CNGB3: variants seen among roughly 807,000 people sequenced by gnomAD.
CNGB3 encodes the protein cyclic nucleotide gated channel subunit beta 3, also known as cyclic nucleotide-gated channel beta-3.
A neutral mutation model predicts 92.8 loss-of-function variants in CNGB3; 86 were observed. The observed-to-expected ratio is 0.93, with a 90% CI of 0.78 to 1.11. The LOEUF is 1.11. Among genes scored for constraint, CNGB3 ranks in the 50% least tolerant of loss-of-function variants. The pLI is 0.00. For missense variants in CNGB3, 1,026 were observed against 956.8 expected (o/e 1.07, Z -0.95); for synonymous variants, 333 against 332.7 (o/e 1.00, Z -0.01).
intron 2 of CNGB3, among the ~76,000 whole-genome samples, chr8:86,732,975 A>G (rs1825183403): frequency 6.6e-6 from 1 of 152,152 alleles, no homozygotes; most frequent in South Asian, 2.1e-4. Flanking sequence ...TGGGATGTGA[A>G]TGATCCTGTC....
At chr8:86,632,942 A>C (rs1001262032) in intron 10 of CNGB3, 49 bp from the exon 11 acceptor site, 1 of 1,521,562 alleles carries the variant, frequency 6.6e-7, no homozygotes, top group African/African-American at 1.4e-5. Flanking sequence ...TATCATCGAA[A>C]GACCACTATT....
intron 3 of CNGB3, among the ~76,000 whole-genome samples, chr8:86,681,210 G>A (rs1395602973): frequency 6.6e-6 from 1 of 152,130 alleles, no homozygotes; most frequent in African/African-American, 2.4e-5. Context: ...AGGTAGGAAA[G>A]TATATCTATT....
intron 3 of CNGB3, among the ~76,000 whole-genome samples, chr8:86,694,627 G>T (rs554058273): frequency 6.6e-6 from 1 of 151,410 alleles, no homozygotes; most frequent in African/African-American, 2.4e-5. Flanking sequence ...AGACAGGGTC[G>T]CGGCCGGGCA....
At chr8:86,655,740 T>C (rs1823493348) in intron 6 of CNGB3, among the ~76,000 whole-genome samples, 3 of 152,322 alleles carry the variant, frequency 2.0e-5, no homozygotes, top group Admixed American at 2.0e-4. Flanking sequence ...TAACACAGTG[T>C]CTAACACACA....
intron 3 of CNGB3, among the ~76,000 whole-genome samples, chr8:86,724,498 T>C (rs1825025135): frequency 6.6e-6 from 1 of 152,122 alleles, no homozygotes; most frequent in Admixed American, 6.6e-5. Flanking sequence ...ATTTATTGAA[T>C]ATTTACCATG....
chr8:86,606,140 G>T (rs1012662256), intron 14 of CNGB3, among the ~76,000 whole-genome samples: 2 of 132,810 alleles, frequency 1.5e-5, no homozygotes, highest in Non-Finnish European at 3.1e-5. Flanking sequence ...TAAAATTTTG[G>T]GGTTGGTTTT....
intron 8 of CNGB3, among the ~76,000 whole-genome samples, chr8:86,645,816 A>G (rs1019848088): frequency 5.9e-5 from 9 of 151,280 alleles, no homozygotes; most frequent in Admixed American, 5.3e-4. Context: ...ATGATTTTAA[A>G]TTTAGCTTAA....
intron 3 of CNGB3, among the ~76,000 whole-genome samples, chr8:86,683,973 A>T (rs993930142): frequency 1.3e-5 from 2 of 152,168 alleles, no homozygotes; most frequent in Admixed American, 1.3e-4. Context: ...GAAAGCAAAA[A>T]TCAATCAGAT....
intron 15 of CNGB3, among the ~76,000 whole-genome samples, chr8:86,591,867 C>G (rs978933123): frequency 3.5e-4 from 54 of 152,330 alleles, no homozygotes; most frequent in Non-Finnish European, 7.5e-4. Flanking sequence ...GTGGGCTCCA[C>G]CCAGTTCGAG....
rs1369514767 is a variant in CNGB3 at position 86,647,883 on chromosome 8, T to C, written c.908A>G (p.Asp303Gly). ...HYRTSTKFQL[D>G]VASIIPFDIC... is the part of the protein sequence containing the mutation. Reference sequence around the variant, plus strand: ...ATCAAATGGTATTATTGATGCGACATCCAACTGTTGAAAGAACACATTCAC... The same window carrying C: ...ATCAAATGGTATTATTGATGCGACACCCAACTGTTGAAAGAACACATTCAC... Residue 303 changes from aspartate to glycine, a missense_variant, in exon 8 of 18, where the codon GAT becomes GGT. Asp to Gly is a moderately conservative substitution (Grantham distance 94). Transcript: ENST00000320005. 6.3e-7 allele frequency: 1 copy of C among 1,584,840 alleles called. No individual in the cohort carries two copies. The highest frequency in any genetic ancestry group is 8.7e-7 in the Non-Finnish European group (1 of 1,154,370).
chr8:86,704,558 A>G (rs1468567174), intron 3 of CNGB3, among the ~76,000 whole-genome samples: 1 of 152,210 alleles, frequency 6.6e-6, no homozygotes, highest in Non-Finnish European at 1.5e-5. Context: ...AATGCTCTGA[A>G]GGACTTTCTG....
In CNGB3 at chr8:86,735,092, A is replaced by G. The variant is rs1269454276; in HGVS notation, c.211+4563T>C. 1.4e-4 allele frequency among the ~76,000 whole-genome samples: 12 copies of G among 85,810 alleles called. No homozygotes were observed. In the Admixed American group the frequency reaches 1.7e-3, roughly 12 times the overall value. 56.3% of individuals were successfully genotyped at this position (85,810 alleles called of 152,430 possible). Reference sequence around the variant, plus strand: ...TTTTGTATGGTATACTGCCTTTACTATGAATTCAACGTGATTGTAGGAAAA... The same window carrying G: ...TTTTGTATGGTATACTGCCTTTACTGTGAATTCAACGTGATTGTAGGAAAA... On this transcript the variant is annotated intron_variant, in intron 2 of 17. Coordinates refer to ENST00000320005, the MANE Select transcript of CNGB3 (RefSeq NM_019098.5).
rs148390519 is a variant in CNGB3 at position 86,649,020 on chromosome 8, T to C, written c.904-1133A>G. 4.1e-3 allele frequency among the ~76,000 whole-genome samples: 623 copies of C among 151,278 alleles called. 5 individuals carry two copies. The highest frequency in any genetic ancestry group is 0.014 in the African/African-American group (589 of 41,436). Reference sequence around the variant, plus strand: ...CTATACACCAATACACATACAAAAATGACCAAGCTGAGAAGCAAATCAGGA... The same window carrying C: ...CTATACACCAATACACATACAAAAACGACCAAGCTGAGAAGCAAATCAGGA... On this transcript the variant is annotated intron_variant, in intron 7 of 17. Transcript: ENST00000320005.
rs928946531 is a variant in CNGB3 at position 86,586,235 on chromosome 8, A to T, written c.1782-6983T>A. Among the ~76,000 whole-genome samples, 4 of 152,328 alleles carry T rather than the reference A, an allele frequency of 2.6e-5. No homozygotes were observed. The South Asian group carries it at 8.3e-4, about 32-fold the overall frequency. Reference sequence around the variant, plus strand: ...AACACCTGCCCTCAAGCTGTTTGTAATCTAGGCATGGGGTAAGTGTGTATG... The same window carrying T: ...AACACCTGCCCTCAAGCTGTTTGTATTCTAGGCATGGGGTAAGTGTGTATG... On this transcript the variant is annotated intron_variant, in intron 15 of 17. Transcript: ENST00000320005.
chr8:86,680,956 T>C (rs1029064274), intron 3 of CNGB3, among the ~76,000 whole-genome samples: 1 of 152,138 alleles, frequency 6.6e-6, no homozygotes, highest in Non-Finnish European at 1.5e-5. Context: ...AAAACACTGA[T>C]AAAATGCTTC....
intron 3 of CNGB3, among the ~76,000 whole-genome samples, chr8:86,702,415 T>C (rs1425962111): frequency 6.6e-6 from 1 of 152,220 alleles, no homozygotes; most frequent in African/African-American, 2.4e-5. Flanking sequence ...ATACAGATAC[T>C]CCAACAAAGA....
intron 13 of CNGB3, among the ~76,000 whole-genome samples, chr8:86,621,112 C>T (rs914111501): frequency 6.6e-6 from 1 of 152,070 alleles, no homozygotes; most frequent in African/African-American, 2.4e-5. Context: ...AACTATGAGG[C>T]AAAAAACTGA....
At chr8:86,689,021 C>CTT (rs56138081) in intron 3 of CNGB3, among the ~76,000 whole-genome samples, 56 of 148,170 alleles carry the variant, frequency 3.8e-4, no homozygotes, top group African/African-American at 1.4e-3. Context: ...TTTTTAAATT[C>CTT]TTTTTTTTTT....
chr8:86,599,650 G>C (rs917012082), intron 15 of CNGB3, among the ~76,000 whole-genome samples: 1 of 152,172 alleles, frequency 6.6e-6, no homozygotes, highest in African/African-American at 2.4e-5. Context: ...GGTCGCAGCT[G>C]TAGGGTTGAA....
Sources: gnomAD v4.1 joint callset for allele counts (sites outside exome capture counted in the v4.1 genomes callset) on GRCh38, gnomAD v4.1.1 for gene constraint, MANE v1.5 for transcripts, NCBI Gene and HGNC (gene_info 2026-07-23, HGNC 2026-07-21) for gene names.